SH2D7: variants seen among roughly 807,000 people sequenced by gnomAD.
The protein encoded by SH2D7 is SH2 domain-containing protein 7.
A neutral mutation model predicts 40.8 loss-of-function variants in SH2D7; 32 were observed. The ratio of observed to expected loss-of-function variants is 0.78; its 90% CI spans 0.59 to 1.05. The LOEUF (loss-of-function observed/expected upper bound fraction) is 1.05. Ranked by LOEUF, SH2D7 falls within the 50% of genes least tolerant of loss-of-function variation. SH2D7 has a pLI of 0.00. For synonymous variants in SH2D7, 195 were observed against 221.5 expected, an observed-to-expected ratio of 0.88 and a Z score of 1.06; for missense variants, 559 against 566.6, an observed-to-expected ratio of 0.99 and a Z score of 0.14.
At chr15:78,090,438 G>T (rs1163590427), upstream of SH2D7, among the ~76,000 whole-genome samples, 1 of 151,964 alleles carries the variant, frequency 6.6e-6, no homozygotes, top group Non-Finnish European at 1.5e-5. Context: ...ATGAGAAAGA[G>T]CTGCCCAGAT....
chr15:78,092,704 C>T lies in SH2D7; in HGVS notation c.120C>T (p.Pro40=), dbSNP rs780883391. Residue 40 remains proline, a synonymous_variant, in exon 1 of 6, where the codon CCC becomes CCT. Coordinates refer to ENST00000328828, the MANE Select transcript of SH2D7 (RefSeq NM_001101404.2). ...ALKWFMETQA[P]FILQNGALPP... is the part of the protein sequence containing the mutation. ...AGTGGTTCATGGAGACACAGGCCCC[C>T]TTCATTCTGCAGAACGGTGCCCTGC... The T allele has an allele frequency of 1.9e-6, 3 of 1,601,754 alleles. No individual in the cohort carries two copies. The South Asian group carries it at 3.4e-5, about 18-fold the overall frequency.
chr15:78,100,971 G>A lies in SH2D7; in HGVS notation c.718G>A (p.Asp240Asn). The stretch of plus-strand genomic sequence containing the variant: ...GGAAGAGTCTTTTGGAGGCCCCAGT[G>A]ACATCATCTATGCAGACCTGAGGAG... ...LLEESFGGPS[D>N]IIYADLRRMN... The change falls in exon 5 of 6, where the codon GAC becomes AAC. Residue 240 changes from aspartate to asparagine, a missense_variant. Physicochemically the swap from Asp to Asn is conservative, Grantham distance 23. Transcript: ENST00000328828. 6.2e-7 allele frequency: 1 copy of A among 1,613,968 alleles called. No homozygotes were observed. Among genetic ancestry groups the A allele is most frequent in the Non-Finnish European group, 8.5e-7 (1 of 1,179,876 alleles).
At chr15:78,090,224 C>T (rs1036623828), upstream of SH2D7, among the ~76,000 whole-genome samples, 2 of 152,002 alleles carry the variant, frequency 1.3e-5, no homozygotes. Flanking sequence ...CTGGCTAACA[C>T]GGTAAAACCC....
At chr15:78,102,938 CTCCTCCCTCA>C (rs1278396763) in intron 5 of SH2D7, among the ~76,000 whole-genome samples, 2 of 152,202 alleles carry the variant, frequency 1.3e-5, no homozygotes, top group Non-Finnish European at 2.9e-5. Flanking sequence ...GTGCTGACGG[CTCCTCCCTCA>C]GGGCAGGGCT....
At chr15:78,103,181 G>A (rs2074028784) in intron 5 of SH2D7, among the ~76,000 whole-genome samples, 1 of 152,126 alleles carries the variant, frequency 6.6e-6, no homozygotes, top group Non-Finnish European at 1.5e-5. Context: ...GGGAGACCAG[G>A]GCACTCCAGG....
At chr15:78,099,602 C>T (rs1202708221) in intron 4 of SH2D7, among the ~76,000 whole-genome samples, 2 of 151,678 alleles carry the variant, frequency 1.3e-5, no homozygotes, top group East Asian at 3.9e-4. Flanking sequence ...GCTAGGATTA[C>T]AAGCGTGAGC....
chr15:78,090,398 G>A (rs989930927), upstream of SH2D7, among the ~76,000 whole-genome samples: 16 of 151,926 alleles, frequency 1.1e-4, no homozygotes, highest in Admixed American at 3.9e-4. Context: ...ACAGAGCGAG[G>A]CTCTGTCTCT....
rs981650320 is a variant in SH2D7, at chr15:78,103,653, G to T, written c.*138G>T. On this transcript the variant is annotated 3_prime_UTR_variant, in exon 6 of 6. Transcript: ENST00000328828. ...CCAGCCTGCTACAGAACTAGGCTCC[G>T]AGACAGCCGAGGTGCCTGCCTGAGA... The T allele has an allele frequency of 1.2e-5, 13 of 1,071,840 alleles. No homozygotes were observed. The highest frequency in any genetic ancestry group is 1.6e-5 in the Non-Finnish European group (12 of 751,774). The allele number at this position is 1,071,840 out of a possible 1,614,324, so 66.4% of individuals were successfully genotyped here.
At chr15:78,095,878 TC>T (rs1464238694) in intron 2 of SH2D7, among the ~76,000 whole-genome samples, 1 of 152,220 alleles carries the variant, frequency 6.6e-6, no homozygotes, top group African/African-American at 2.4e-5. Flanking sequence ...AGTCTCGCTC[TC>T]TCGCTCTGGC....
intron 4 of SH2D7, among the ~76,000 whole-genome samples, chr15:78,099,177 C>T (rs913363861): frequency 3.9e-5 from 6 of 152,152 alleles, no homozygotes; most frequent in South Asian, 2.1e-4. Flanking sequence ...CCACCACACC[C>T]GTCTAATTTT....
chr15:78,101,180 A>G lies in SH2D7; in HGVS notation c.927A>G (p.Thr309=). 6.3e-7 allele frequency: 1 copy of G among 1,584,250 alleles called. No individual in the cohort carries two copies. The highest frequency in any genetic ancestry group is 1.2e-5 in the South Asian group (1 of 86,552). The change falls in exon 5 of 6, where the codon ACA becomes ACG. Residue 309 remains threonine, a synonymous_variant. Coordinates refer to ENST00000328828, the MANE Select transcript of SH2D7 (RefSeq NM_001101404.2). The stretch of plus-strand genomic sequence containing the variant: ...GGGTGAGCCCAGACCAGGGTCCCAC[A>G]GAGTCTCCCACTTCCTGGGGATGTT... The part of the protein sequence containing the change: ...LSGVSPDQGP[T]ESPTSWGCSD...
chr15:78,099,310 G>A (rs1222398769), intron 4 of SH2D7, among the ~76,000 whole-genome samples: 2 of 151,376 alleles, frequency 1.3e-5, no homozygotes, highest in African/African-American at 2.4e-5. Flanking sequence ...ACTGTGCCCA[G>A]CCATTTTTAT....
chr15:78,095,990 A>G (rs1283502972), intron 2 of SH2D7, among the ~76,000 whole-genome samples: 1 of 151,898 alleles, frequency 6.6e-6, no homozygotes, highest in African/African-American at 2.4e-5. Flanking sequence ...CTACAGGCAC[A>G]CGCCACCACA....
chr15:78,092,339 G>C (rs1461119462), upstream of SH2D7, among the ~76,000 whole-genome samples: 8 of 152,178 alleles, frequency 5.3e-5, no homozygotes, highest in Non-Finnish European at 1.2e-4. Context: ...GGAAGCCACG[G>C]AGGGCCTTCC....
At position 78,103,485 on chromosome 15, in the gene SH2D7, C is replaced by CT; in HGVS notation, c.1328dup (p.Phe444LeufsTer63). 1 of 1,563,720 alleles carries CT rather than the reference C, an allele frequency of 6.4e-7. No individual in the cohort carries two copies. The highest frequency in any genetic ancestry group is 8.7e-7 in the Non-Finnish European group (1 of 1,153,170). ...TGCAGCCTGACAAGCTTCGGAGGCT[C>CT]TTCTTCACGTACAGGAAGCACAAAT... On this transcript the variant is annotated frameshift_variant, in exon 6 of 6. Coordinates refer to ENST00000328828, the MANE Select transcript of SH2D7 (RefSeq NM_001101404.2). LOFTEE classifies it high-confidence loss of function.
chr15:78,101,557 A>G lies in SH2D7; in HGVS notation c.1304A>G (p.Lys435Arg), dbSNP rs186449076. Residue 435 changes from lysine to arginine, a missense_variant and splice_region_variant, in exon 5 of 6, where the codon AAG (lysine) becomes AGG (arginine). Transcript: ENST00000328828. ...TKSKETGRTH[K>R]PDKLRRLFFT... Reference sequence around the variant, plus strand: ...AGCAAGGAGACTGGACGGACACACAAGGTGAGCTCCATGATGGGGTGGGGC... The same window carrying G: ...AGCAAGGAGACTGGACGGACACACAGGGTGAGCTCCATGATGGGGTGGGGC... The G allele has an allele frequency of 1.2e-3, 1,905 of 1,573,526 alleles. 48 individuals carry two copies. The Admixed American group carries it at 0.034, about 28-fold the overall frequency.
chr15:78,090,363 G>A (rs907233248), upstream of SH2D7, among the ~76,000 whole-genome samples: 5 of 152,038 alleles, frequency 3.3e-5, no homozygotes, highest in East Asian at 1.9e-4. Context: ...AACGGAGATC[G>A]TGCCACTGCA....
At chr15:78,099,482 T>TA in intron 4 of SH2D7, among the ~76,000 whole-genome samples, 1 of 67,308 alleles carries the variant, frequency 1.5e-5, no homozygotes, top group South Asian at 4.5e-4. Flanking sequence ...CCTGGCTAAT[T>TA]TTTTTTTTTT....
At chr15:78,092,831 C>G (rs2073948108) in intron 1 of SH2D7, 71 bp downstream of exon 1, 11 of 1,485,574 alleles carry the variant, frequency 7.4e-6, no homozygotes, top group Non-Finnish European at 9.0e-6. Context: ...GGTCTGGGAA[C>G]TCTGGATCAG....
Sources: gnomAD v4.1 joint callset for allele counts (sites outside exome capture counted in the v4.1 genomes callset) on GRCh38, gnomAD v4.1.1 for gene constraint, MANE v1.5 for transcripts, NCBI Gene and HGNC (gene_info 2026-07-23, HGNC 2026-07-21) for gene names.